FHIT: variants seen among roughly 807,000 people sequenced by gnomAD.
FHIT encodes fragile histidine triad diadenosine triphosphatase.
FHIT carries 19 observed loss-of-function variants against 17.9 expected under a neutral mutation model. The observed-to-expected ratio is 1.06, with a 90% CI of 0.74 to 1.56. The LOEUF (loss-of-function observed/expected upper bound fraction) is 1.56. Ranked by LOEUF, FHIT falls within the 40% of genes most tolerant of loss-of-function variation. The pLI is 0.00. For missense variants in FHIT, 248 were observed against 189.2 expected (o/e 1.31, Z -1.82); for synonymous variants, 81 against 69.7 (o/e 1.16, Z -0.81).
intron 5 of FHIT, among the ~76,000 whole-genome samples, chr3:60,235,848 G>C (rs999758354): frequency 6.6e-5 from 10 of 152,130 alleles, no homozygotes; most frequent in Admixed American, 1.3e-4. Context: ...TCACAATGGA[G>C]ATCCTCCCAG....
At chr3:61,128,189 C>G (rs1460115695) in intron 2 of FHIT, among the ~76,000 whole-genome samples, 1 of 152,016 alleles carries the variant, frequency 6.6e-6, no homozygotes, top group African/African-American at 2.4e-5. Context: ...GAGATAAACT[C>G]CAGCTGAAAA....
intron 7 of FHIT, among the ~76,000 whole-genome samples, chr3:60,010,673 G>C (rs550808008): frequency 1.3e-5 from 2 of 152,254 alleles, no homozygotes; most frequent in East Asian, 3.9e-4. Context: ...ATTAGCATTT[G>C]TATGAAAAGA....
chr3:61,126,799 G>C (rs997713230), intron 2 of FHIT, among the ~76,000 whole-genome samples: 5 of 152,262 alleles, frequency 3.3e-5, no homozygotes, highest in Admixed American at 6.5e-5. Context: ...TGGTGGAGGA[G>C]GTTCCAACTT....
intron 4 of FHIT, among the ~76,000 whole-genome samples, chr3:60,608,215 C>T (rs943968121): frequency 6.6e-6 from 1 of 152,194 alleles, no homozygotes; most frequent in Admixed American, 6.5e-5. Flanking sequence ...TCTCTTTCCT[C>T]TTCATTTCTA....
intron 3 of FHIT, among the ~76,000 whole-genome samples, chr3:60,868,020 A>T (rs1704238887): frequency 6.6e-6 from 1 of 152,166 alleles, no homozygotes; most frequent in African/African-American, 2.4e-5. Context: ...CTCAATGACA[A>T]ACCTGTGTGC....
In FHIT at chr3:60,626,783, C is replaced by CTTTTTTTTTTTTTTTTTTT. The variant is rs71627548; in HGVS notation, c.-17-89805_-17-89804insAAAAAAAAAAAAAAAAAAA. ...TTCTTCCTTATCTTAGGGGAAAACA[C>CTTTTTTTTTTTTTTTTTTT]TCTTTTTTTTTTTTTTTTTTACGTT... On this transcript the variant is annotated intron_variant, in intron 4 of 9. Coordinates refer to ENST00000492590, the MANE Select transcript of FHIT (RefSeq NM_002012.4). Among the ~76,000 whole-genome samples, 2 of 85,940 alleles carry CTTTTTTTTTTTTTTTTTTT rather than the reference C, an allele frequency of 2.3e-5. 1 individual carries two copies. 56.4% of individuals were successfully genotyped at this position (85,940 alleles called of 152,430 possible).
chr3:60,099,430 G>T (rs1164895250), intron 5 of FHIT, among the ~76,000 whole-genome samples: 1 of 152,142 alleles, frequency 6.6e-6, no homozygotes. Flanking sequence ...AGGCCCAGGA[G>T]GGTCAAAGAA....
chr3:60,489,959 T>C (rs762484085), intron 5 of FHIT, among the ~76,000 whole-genome samples: 2 of 152,166 alleles, frequency 1.3e-5, no homozygotes, highest in Non-Finnish European at 2.9e-5. Context: ...GTGCTCTTCA[T>C]GTACGACATG....
chr3:59,998,449 G>C (rs1699602618), intron 7 of FHIT, among the ~76,000 whole-genome samples: 2 of 152,126 alleles, frequency 1.3e-5, no homozygotes, highest in African/African-American at 4.8e-5. Flanking sequence ...AGAGACACTA[G>C]TACTATACCA....
intron 5 of FHIT, among the ~76,000 whole-genome samples, chr3:60,198,764 C>T (rs1034512977): frequency 6.6e-6 from 1 of 152,120 alleles, no homozygotes; most frequent in African/African-American, 2.4e-5. Flanking sequence ...CTCTTTCTAT[C>T]TTTTTGGCAA....
intron 5 of FHIT, among the ~76,000 whole-genome samples, chr3:60,297,725 A>G (rs61002294): frequency 0.025 from 3,731 of 152,116 alleles, 159 homozygotes; most frequent in African/African-American, 0.084. Context: ...GTGTTTTCCT[A>G]CTCTCACACA....
At chr3:60,696,846 A>T (rs1046671606) in intron 4 of FHIT, among the ~76,000 whole-genome samples, 1 of 152,216 alleles carries the variant, frequency 6.6e-6, no homozygotes, top group Non-Finnish European at 1.5e-5. Context: ...AACACAACAG[A>T]AATCCAGTGA....
At chr3:59,948,125 T>C (rs185559306) in intron 7 of FHIT, among the ~76,000 whole-genome samples, 20 of 152,300 alleles carry the variant, frequency 1.3e-4, no homozygotes, top group African/African-American at 4.6e-4. Flanking sequence ...TACAGATTTT[T>C]GTGTACACAT....
chr3:59,982,199 G>A (rs1708684886), intron 7 of FHIT, among the ~76,000 whole-genome samples: 1 of 152,166 alleles, frequency 6.6e-6, no homozygotes, highest in Middle Eastern at 3.4e-3. Flanking sequence ...GAGGAAGATG[G>A]GGCTTATGAA....
intron 7 of FHIT, among the ~76,000 whole-genome samples, chr3:59,937,904 T>C: frequency 6.6e-6 from 1 of 152,292 alleles, no homozygotes; most frequent in Non-Finnish European, 1.5e-5. Context: ...AAGGGTTACA[T>C]TTTCCTTCTA....
chr3:61,208,943 A>C (rs1192039754), intron 1 of FHIT, among the ~76,000 whole-genome samples: 1 of 152,016 alleles, frequency 6.6e-6, no homozygotes, highest in African/African-American at 2.4e-5. Flanking sequence ...ATGTTTTTGC[A>C]GTGGCTGGTA....
At chr3:60,003,891 T>G (rs1052910004) in intron 7 of FHIT, among the ~76,000 whole-genome samples, 1 of 151,568 alleles carries the variant, frequency 6.6e-6, no homozygotes, top group Admixed American at 6.6e-5. Flanking sequence ...ATTGACAGTT[T>G]GGCCAGCCAA....
rs1311397286 is a variant in FHIT, at chr3:60,264,478, C to T, written c.104-250326G>A. The stretch of plus-strand genomic sequence containing the variant: ...TAGAAATACTCAACTTAAGAAAAGA[C>T]TTGAAAACCTCTTCTGTACACACAG... On this transcript the variant is annotated intron_variant, in intron 5 of 9. Coordinates refer to ENST00000492590, the MANE Select transcript of FHIT (RefSeq NM_002012.4). Among the ~76,000 whole-genome samples the T allele has an allele frequency of 3.3e-5, 5 of 151,938 alleles. No individual in the cohort carries two copies. The East Asian group carries it at 9.6e-4, about 29-fold the overall frequency.
chr3:60,783,793 G>A (rs1416856263), intron 4 of FHIT, among the ~76,000 whole-genome samples: 5 of 152,288 alleles, frequency 3.3e-5, no homozygotes, highest in Non-Finnish European at 2.9e-5. Context: ...CTCTTTAACA[G>A]AACCCACAGG....
Sources: gnomAD v4.1 joint callset for allele counts (sites outside exome capture counted in the v4.1 genomes callset) on GRCh38, gnomAD v4.1.1 for gene constraint, MANE v1.5 for transcripts, NCBI Gene and HGNC (gene_info 2026-07-23, HGNC 2026-07-21) for gene names.